PDE1C: variants seen among roughly 807,000 people sequenced by gnomAD.
The protein encoded by PDE1C is dual specificity calcium/calmodulin-dependent 3',5'-cyclic nucleotide phosphodiesterase 1C.
PDE1C carries 62 observed loss-of-function variants against 93.1 expected under a neutral mutation model. The observed-to-expected ratio is 0.67, with a 90% CI of 0.54 to 0.82. PDE1C has a LOEUF of 0.82. Among genes scored for constraint, PDE1C ranks in the 40% least tolerant of loss-of-function variants. The pLI, the probability that PDE1C is intolerant of heterozygous loss-of-function variation, is 0.00. For synonymous variants in PDE1C, 325 were observed against 310.1 expected (o/e 1.05, Z -0.50); for missense variants, 742 against 884.6 (o/e 0.84, Z 2.04).
chr7:31,994,583 C>T (rs1319296456), intron 2 of PDE1C, among the ~76,000 whole-genome samples: 2 of 152,104 alleles, frequency 1.3e-5, no homozygotes, highest in Non-Finnish European at 2.9e-5. Flanking sequence ...ATATAGCAGG[C>T]TATGCAAAGT....
chr7:32,312,937 T>C (rs1783083014), intron 1 of PDE1C, among the ~76,000 whole-genome samples: 1 of 152,026 alleles, frequency 6.6e-6, no homozygotes, highest in African/African-American at 2.4e-5. Flanking sequence ...TTCTGCACAG[T>C]AAAAGAAACT....
chr7:32,299,718 T>C (rs1338694772), upstream of PDE1C, among the ~76,000 whole-genome samples: 4 of 152,230 alleles, frequency 2.6e-5, no homozygotes, highest in Admixed American at 6.5e-5. Context: ...AAGTTAGCCA[T>C]TGGCCTTTGC....
intron 1 of PDE1C, among the ~76,000 whole-genome samples, chr7:32,387,656 G>T (rs1784660604): frequency 4.9e-5 from 7 of 144,216 alleles, no homozygotes; most frequent in East Asian, 2.1e-4. Context: ...CCTCCCGGAC[G>T]GGGCGGCTGG....
rs137899559 is a variant in PDE1C, at chr7:31,878,944, C to T, written c.425+52G>A. ...AAGCAAAGCTTCCAGTTATTGGAAA[C>T]GTGTTGCTTTGGCTGCTTTAGTCAC... On this transcript the variant is annotated intron_variant, in intron 4 of 17. Transcript: ENST00000396191. 3.4e-4 allele frequency: 518 copies of T among 1,525,726 alleles called. 2 individuals carry two copies. The African/African-American group carries it at 6.2e-3, about 18-fold the overall frequency. 94.5% of individuals were successfully genotyped at this position (1,525,726 alleles called of 1,614,324 possible).
chr7:31,742,373 A>G, the PDE1C span, among the ~76,000 whole-genome samples: 1 of 152,212 alleles, frequency 6.6e-6, no homozygotes, highest in Non-Finnish European at 1.5e-5. Context: ...CAAGTTTCTT[A>G]TGAATTAGAG....
At chr7:31,718,716 G>A in the PDE1C span, among the ~76,000 whole-genome samples, 5 of 152,202 alleles carry the variant, frequency 3.3e-5, no homozygotes, top group African/African-American at 4.8e-5. Context: ...CCTTCCCATA[G>A]GAACTGGGAT....
At chr7:31,777,171 A>G (rs1783050601) in intron 16 of PDE1C, among the ~76,000 whole-genome samples, 3 of 151,826 alleles carry the variant, frequency 2.0e-5, no homozygotes, top group Admixed American at 1.3e-4. Context: ...AATTAGTATT[A>G]AAAAAAGAAA....
intron 1 of PDE1C, among the ~76,000 whole-genome samples, chr7:32,277,365 G>C (rs1403986225): frequency 2.0e-5 from 3 of 152,156 alleles, no homozygotes; most frequent in Admixed American, 2.0e-4. Flanking sequence ...CTTTTATTAA[G>C]TCTTCTCAAA....
Position 31,850,643 on chromosome 7 carries a change from A to G in PDE1C, c.849T>C (p.Thr283=). The change falls in exon 8 of 18, where the codon ACT becomes ACC. Residue 283 remains threonine, a splice_region_variant and synonymous_variant. Transcript: ENST00000396191. The stretch of plus-strand genomic sequence containing the variant: ...TCCAAACATTTAAACACCCTCACCG[A>G]GTCTGAATGTGGAAATTGTTGGTGG... ...TGTTNNFHIQ[T]RSDPAILYND... The G allele has an allele frequency of 6.2e-7, 1 of 1,605,774 alleles. No homozygotes were observed. Among genetic ancestry groups the G allele is most frequent in the Non-Finnish European group, 8.5e-7 (1 of 1,172,562 alleles).
chr7:32,074,753 G>C (rs1031142182), upstream of PDE1C, among the ~76,000 whole-genome samples: 2 of 152,226 alleles, frequency 1.3e-5, no homozygotes, highest in African/African-American at 4.8e-5. Context: ...TGCATGAAAG[G>C]TGGGTGGAGG....
rs535932494 is a variant in PDE1C at position 31,788,860 on chromosome 7, TG to T, written c.1892-13129del. The T allele has an allele frequency of 2.3e-4, 35 of 152,338 alleles. No homozygotes were observed. The East Asian group carries it at 6.4e-3, about 28-fold the overall frequency. 9.4% of individuals were successfully genotyped at this position (152,338 alleles called of 1,614,324 possible). On this transcript the variant is annotated intron_variant, in intron 16 of 17. Coordinates refer to ENST00000396191, the MANE Select transcript of PDE1C (RefSeq NM_001191057.4). Reference sequence around the variant, plus strand: ...TACAAAGTTCTTCAGATCTTTCTGTTGGGGAACATTTTGGCAAGGCAAAGGT... The same window carrying T: ...TACAAAGTTCTTCAGATCTTTCTGTTGGGAACATTTTGGCAAGGCAAAGGT...
chr7:31,833,118 A>T (rs527325229), intron 11 of PDE1C, among the ~76,000 whole-genome samples: 1 of 152,298 alleles, frequency 6.6e-6, no homozygotes, highest in East Asian at 1.9e-4. Flanking sequence ...AATAAGTCTC[A>T]TGAGATCTGA....
chr7:32,070,489 GGC>G, upstream of PDE1C: 1 of 1,563,040 alleles, frequency 6.4e-7, no homozygotes, highest in Non-Finnish European at 8.7e-7. Context: ...AGCCAGGCGC[GGC>G]GCGCGTTTGC....
chr7:31,794,045 C>CAGAT (rs1162749056), intron 16 of PDE1C, among the ~76,000 whole-genome samples: 6 of 89,634 alleles, frequency 6.7e-5, no homozygotes, highest in African/African-American at 3.0e-4. Context: ...GATAGATAGA[C>CAGAT]AGACAGACAG....
chr7:32,092,920 C>A (rs1420988727), intron 3 of PDE1C, among the ~76,000 whole-genome samples: 6 of 152,096 alleles, frequency 3.9e-5, no homozygotes, highest in Admixed American at 3.9e-4. Flanking sequence ...AAGCAATTGG[C>A]CCAAAGTGAT....
intron 2 of PDE1C, among the ~76,000 whole-genome samples, chr7:32,029,745 TA>T (rs1790032438): frequency 6.6e-6 from 1 of 152,078 alleles, no homozygotes; most frequent in African/African-American, 2.4e-5. Context: ...GTAAATGTTG[TA>T]AAAGGGATTT....
Position 32,088,325 on chromosome 7 carries a change from T to C in PDE1C, c.308+81460A>G, listed in dbSNP as rs1243665741. Among the ~76,000 whole-genome samples the C allele has an allele frequency of 2.6e-5, 4 of 152,340 alleles. No homozygotes were observed. In the East Asian group the frequency reaches 7.7e-4, roughly 29 times the overall value. On this transcript the variant is annotated intron_variant, in intron 3 of 18. Transcript: ENST00000396193. Reference sequence around the variant, plus strand: ...AAGCAGGTGTTTAAATTTAAGAGTTTATCAGAGTTTGCTCTTCAAAAGTAC... The same window carrying C: ...AAGCAGGTGTTTAAATTTAAGAGTTCATCAGAGTTTGCTCTTCAAAAGTAC...
intron 1 of PDE1C, among the ~76,000 whole-genome samples, chr7:32,307,667 C>A (rs1813045119): frequency 6.6e-6 from 1 of 152,158 alleles, no homozygotes; most frequent in African/African-American, 2.4e-5. Flanking sequence ...TGGAACCTTT[C>A]TACCTTATTA....
At chr7:31,793,296 A>G (rs536356590) in intron 16 of PDE1C, among the ~76,000 whole-genome samples, 15 of 152,184 alleles carry the variant, frequency 9.9e-5, no homozygotes, top group Non-Finnish European at 1.8e-4. Context: ...TGGATCACAA[A>G]TGGAGTGTCA....
Sources: allele counts gnomAD v4.1 joint callset (sites outside exome capture counted in the v4.1 genomes callset), GRCh38; gene constraint gnomAD v4.1.1; transcripts MANE v1.5; gene names NCBI Gene and HGNC (gene_info 2026-07-23, HGNC 2026-07-21).